The following FHIT variants were observed in gnomAD, a reference collection of about 807,000 sequenced individuals.
FHIT encodes the protein fragile histidine triad diadenosine triphosphatase.
Under a neutral mutation model 17.9 loss-of-function variants are expected in FHIT, and 19 were observed. The observed-to-expected ratio is 1.06, with a 90% confidence interval of 0.74 to 1.56. FHIT has a LOEUF of 1.56. FHIT is among the 40% of genes most tolerant of loss of function. The probability of loss-of-function intolerance (pLI) is 0.00; values close to 1 mark genes in which losing one functional copy is unlikely to be tolerated. For synonymous variants in FHIT, 81 were observed against 69.7 expected, an observed-to-expected ratio of 1.16 and a Z score of -0.81; for missense variants, 248 against 189.2, an observed-to-expected ratio of 1.31 and a Z score of -1.82.
rs1345714179 is a variant in FHIT at position 59,816,201 on chromosome 3, A to G, written c.349-63880T>C. Among the ~76,000 whole-genome samples the G allele has an allele frequency of 3.3e-5, 5 of 152,128 alleles. No homozygotes were observed. The East Asian group carries it at 5.8e-4, about 18-fold the overall frequency. Reference sequence around the variant, plus strand: ...GTTCTTCTGTGCCTCAAGTTCCTCTATGTAAATGGGGACAGTGATCCTTGC... The same window carrying G: ...GTTCTTCTGTGCCTCAAGTTCCTCTGTGTAAATGGGGACAGTGATCCTTGC... On this transcript the variant is annotated intron_variant, in intron 8 of 9. Coordinates refer to ENST00000492590, the MANE Select transcript of FHIT (RefSeq NM_002012.4).
Position 60,869,599 on chromosome 3 carries a change from G to A in FHIT, c.-110-47588C>T, listed in dbSNP as rs1251213535. Among the ~76,000 whole-genome samples the A allele has an allele frequency of 5.3e-5, 8 of 152,150 alleles. 1 individual carries two copies. Among genetic ancestry groups the A allele is most frequent in the Admixed American group, 5.2e-4 (8 of 15,262 alleles). Reference sequence around the variant, plus strand: ...GAGATGGGGCACGCTTGGATTCGGTGTCTAACTCTAATTCAAACAACTTTT... The same window carrying A: ...GAGATGGGGCACGCTTGGATTCGGTATCTAACTCTAATTCAAACAACTTTT... On this transcript the variant is annotated intron_variant, in intron 3 of 9. Coordinates refer to ENST00000492590, the MANE Select transcript of FHIT (RefSeq NM_002012.4).
intron 4 of FHIT, among the ~76,000 whole-genome samples, chr3:60,691,013 G>C (rs1472370765): frequency 6.6e-6 from 1 of 152,130 alleles, no homozygotes; most frequent in Admixed American, 6.5e-5. Context: ...CTGTGTGTGT[G>C]AAGGATTTTT....
intron 8 of FHIT, among the ~76,000 whole-genome samples, chr3:59,801,975 C>A (rs888306842): frequency 1.3e-5 from 2 of 152,230 alleles, no homozygotes; most frequent in Non-Finnish European, 2.9e-5. Context: ...TTCCAGACTA[C>A]ACCCATTCTT....
intron 3 of FHIT, among the ~76,000 whole-genome samples, chr3:60,839,519 A>T (rs1292459119): frequency 2.0e-5 from 3 of 152,212 alleles, no homozygotes; most frequent in African/African-American, 7.2e-5. Context: ...GTGTCTGTCA[A>T]AACATTAACA....
At chr3:60,126,888 T>C (rs888254770) in intron 5 of FHIT, among the ~76,000 whole-genome samples, 2 of 152,162 alleles carry the variant, frequency 1.3e-5, no homozygotes, top group Admixed American at 1.3e-4. Flanking sequence ...CTTGTGAGTT[T>C]CCTCCTCTTT....
chr3:61,163,811 C>G (rs931286045), intron 2 of FHIT, among the ~76,000 whole-genome samples: 1 of 152,186 alleles, frequency 6.6e-6, no homozygotes, highest in African/African-American at 2.4e-5. Context: ...TTCCCTGTTT[C>G]TTTGAGTCTT....
intron 4 of FHIT, chr3:60,617,253 T>C (rs2038978980): frequency 6.1e-6 from 1 of 164,692 alleles, no homozygotes; most frequent in Admixed American, 6.1e-5. Flanking sequence ...ATCTTGATAC[T>C]GTAAATATTT....
chr3:60,312,311 A>T (rs71313763), intron 5 of FHIT, among the ~76,000 whole-genome samples: 11,672 of 151,856 alleles, frequency 0.077, 527 homozygotes, highest in Non-Finnish European at 0.093. Context: ...GATTTTTTTT[A>T]AAAATTTTTT....
chr3:59,959,150 C>G (rs1319381453), intron 7 of FHIT, among the ~76,000 whole-genome samples: 1 of 152,148 alleles, frequency 6.6e-6, no homozygotes, highest in Non-Finnish European at 1.5e-5. Flanking sequence ...AACAATGCAA[C>G]AAAAATGGTC....
intron 1 of FHIT, among the ~76,000 whole-genome samples, chr3:61,218,590 G>A (rs1352066386): frequency 6.6e-6 from 1 of 152,166 alleles, no homozygotes; most frequent in Admixed American, 6.6e-5. Context: ...TCAAGGTAAT[G>A]GAGAAGATCT....
At chr3:60,817,102 T>C (rs1337700581) in intron 4 of FHIT, among the ~76,000 whole-genome samples, 1 of 152,084 alleles carries the variant, frequency 6.6e-6, no homozygotes, top group Admixed American at 6.6e-5. Context: ...TTTAATTTTA[T>C]ACTATCTCAT....
At chr3:59,942,804 T>G (rs1393559193) in intron 7 of FHIT, among the ~76,000 whole-genome samples, 1 of 151,864 alleles carries the variant, frequency 6.6e-6, no homozygotes, top group Non-Finnish European at 1.5e-5. Flanking sequence ...ATGCACCACA[T>G]TGGCTAATAT....
At chr3:60,330,859 C>A (rs958622992) in intron 5 of FHIT, among the ~76,000 whole-genome samples, 1 of 152,196 alleles carries the variant, frequency 6.6e-6, no homozygotes, top group African/African-American at 2.4e-5. Flanking sequence ...ACATCAAAGT[C>A]ATGAGTGCCT....
chr3:60,185,619 C>G (rs984031416), intron 5 of FHIT, among the ~76,000 whole-genome samples: 3 of 152,134 alleles, frequency 2.0e-5, no homozygotes, highest in African/African-American at 7.2e-5. Flanking sequence ...GTTTTCATAT[C>G]AGTTGGGTAA....
chr3:60,211,713 C>CT (rs1380940907), intron 5 of FHIT, among the ~76,000 whole-genome samples: 2 of 151,950 alleles, frequency 1.3e-5, no homozygotes, highest in Non-Finnish European at 2.9e-5. Flanking sequence ...TCATTAAGTG[C>CT]TGAGGTTTTG....
At chr3:60,031,761 T>A (rs1257911142) in intron 5 of FHIT, among the ~76,000 whole-genome samples, 1 of 151,906 alleles carries the variant, frequency 6.6e-6, no homozygotes, top group African/African-American at 2.4e-5. Context: ...AACCTGGGGG[T>A]CCCACAGAGG....
chr3:60,805,935 T>C (rs1553733911), intron 4 of FHIT, among the ~76,000 whole-genome samples: 1 of 152,144 alleles, frequency 6.6e-6, no homozygotes, highest in Non-Finnish European at 1.5e-5. Flanking sequence ...CAGGCTTCAG[T>C]GTATCAATTC....
chr3:61,243,042 C>G (rs937997053), intron 1 of FHIT, among the ~76,000 whole-genome samples: 2 of 152,156 alleles, frequency 1.3e-5, no homozygotes, highest in African/African-American at 4.8e-5. Flanking sequence ...TTGTTATCAT[C>G]TTTGTTCCAA....
chr3:60,125,671 T>A (rs1212190244), intron 5 of FHIT, among the ~76,000 whole-genome samples: 1 of 124,472 alleles, frequency 8.0e-6, no homozygotes, highest in Admixed American at 7.4e-5. Flanking sequence ...TGTGTATATA[T>A]ATGTGTGTGC....
Sources: allele counts gnomAD v4.1 joint callset (sites outside exome capture counted in the v4.1 genomes callset), GRCh38; gene constraint gnomAD v4.1.1; transcripts MANE v1.5; gene names NCBI Gene and HGNC (gene_info 2026-07-23, HGNC 2026-07-21).